Variants in NME8 observed in about 807,000 individuals in gnomAD.
The protein encoded by NME8 is NME/NM23 family member 8.
Under a neutral mutation model 82.3 loss-of-function variants are expected in NME8, and 72 were observed. The ratio of observed to expected loss-of-function variants is 0.87; its 90% CI spans 0.72 to 1.06. The LOEUF (loss-of-function observed/expected upper bound fraction) is 1.06, where lower values mean the gene tolerates loss of function less well. Ranked by LOEUF, NME8 falls within the 50% of genes least tolerant of loss-of-function variation. NME8 has a pLI of 0.00. For missense variants in NME8, 712 were observed against 685.4 expected (o/e 1.04, Z -0.43); for synonymous variants, 267 against 228.5 (o/e 1.17, Z -1.52).
In NME8 at chr7:37,867,705, G is replaced by T; in HGVS notation, c.625G>T (p.Asp209Tyr). 1 of 1,611,516 alleles carries T rather than the reference G, an allele frequency of 6.2e-7. No individual in the cohort carries two copies. Among genetic ancestry groups the T allele is most frequent in the South Asian group, 1.1e-5 (1 of 90,970 alleles). Residue 209 changes from aspartate to tyrosine, a missense_variant, in exon 11 of 18, where the codon GAC (aspartate) becomes TAC (tyrosine). Asp to Tyr is a radical substitution (Grantham distance 160). Coordinates refer to ENST00000199447, the MANE Select transcript of NME8 (RefSeq NM_016616.5). ...NFYSRIADQC[D>Y]FEEFVSFMTS... Reference sequence around the variant, plus strand: ...AGTTTATCATTTTATTTTGTAGTGTGACTTCGAAGAGTTTGTCTCTTTTAT... The same window carrying T: ...AGTTTATCATTTTATTTTGTAGTGTTACTTCGAAGAGTTTGTCTCTTTTAT...
At chr7:37,892,337 C>CT (rs910888742) in intron 15 of NME8, among the ~76,000 whole-genome samples, 31 of 147,308 alleles carry the variant, frequency 2.1e-4, no homozygotes, top group African/African-American at 4.5e-4. Context: ...TTCCATTGTT[C>CT]TTTTTTTTTT....
chr7:37,858,400 T>A lies in NME8; in HGVS notation c.270+1055T>A, dbSNP rs1482285738. ...TGAATGGTAAAAAATGCATTGTAGA[T>A]CTCCTCTAAGTTGGATGTTTAGAAT... On this transcript the variant is annotated intron_variant, in intron 6 of 17. Coordinates refer to ENST00000199447, the MANE Select transcript of NME8 (RefSeq NM_016616.5). 5.3e-5 allele frequency among the ~76,000 whole-genome samples: 8 copies of A among 152,316 alleles called. No homozygotes were observed. In the East Asian group the frequency reaches 1.5e-3, roughly 29 times the overall value.
intron 6 of NME8, among the ~76,000 whole-genome samples, chr7:37,857,796 A>C (rs1236194326): frequency 1.3e-5 from 2 of 152,220 alleles, no homozygotes; most frequent in African/African-American, 2.4e-5. Flanking sequence ...ATCCACCAAA[A>C]TGTTATAGCA....
At chr7:37,887,923 T>G (rs1006606354) in intron 14 of NME8, among the ~76,000 whole-genome samples, 3 of 152,134 alleles carry the variant, frequency 2.0e-5, no homozygotes, top group Non-Finnish European at 2.9e-5. Flanking sequence ...CATGATTCAG[T>G]TAGCTCCCAC....
chr7:37,861,990 A>G (rs1333539003), intron 6 of NME8, 38 bp from the exon 7 acceptor site: 1 of 1,328,726 alleles, frequency 7.5e-7, no homozygotes, highest in African/African-American at 1.4e-5. Context: ...TGTGTTCTCC[A>G]AATGAAAGTT....
intron 12 of NME8, among the ~76,000 whole-genome samples, chr7:37,882,554 AG>A (rs1241520618): frequency 2.6e-5 from 1 of 38,458 alleles, no homozygotes; most frequent in Non-Finnish European, 5.3e-5. Flanking sequence ...AGGGAAAGAA[AG>A]AAAGAAAGAA....
chr7:37,856,464 G>A (rs1321969653), intron 5 of NME8, among the ~76,000 whole-genome samples: 2 of 152,074 alleles, frequency 1.3e-5, no homozygotes, highest in African/African-American at 4.8e-5. Flanking sequence ...ATAAATGATT[G>A]TTGTTCAGCC....
chr7:37,850,798 T>C (rs1299252474), intron 5 of NME8, 63 bp downstream of exon 5: 2 of 1,023,794 alleles, frequency 2.0e-6, no homozygotes, highest in African/African-American at 3.2e-5. Context: ...AAGTATCCTC[T>C]AATACTTTAA....
rs538425312 is a variant in NME8 at position 37,863,463 on chromosome 7, G to C, written c.454+1G>C. On this transcript the variant is annotated splice_donor_variant, in intron 8 of 17. Coordinates refer to ENST00000199447, the MANE Select transcript of NME8 (RefSeq NM_016616.5). LOFTEE classifies it high-confidence loss of function. Reference sequence around the variant, plus strand: ...GAAGAATCACCATGTGAAAGTGTTCGTAAGTAAATTTACTTCAAAGTAATC... The same window carrying C: ...GAAGAATCACCATGTGAAAGTGTTCCTAAGTAAATTTACTTCAAAGTAATC... The C allele has an allele frequency of 2.5e-6, 4 of 1,579,694 alleles. No homozygotes were observed. The East Asian group carries it at 6.7e-5, about 27-fold the overall frequency.
chr7:37,897,139 A>G, intron 17 of NME8, 32 bp downstream of exon 17: 3 of 1,375,324 alleles, frequency 2.2e-6, no homozygotes, highest in Non-Finnish European at 2.1e-6. Flanking sequence ...ATTTTATTTT[A>G]TTTGCTTGTT....
intron 5 of NME8, among the ~76,000 whole-genome samples, chr7:37,853,003 C>T (rs972235127): frequency 6.6e-6 from 1 of 152,188 alleles, no homozygotes; most frequent in Non-Finnish European, 1.5e-5. Flanking sequence ...CATCTGTTCT[C>T]TGGATTTTGG....
Position 37,885,216 on chromosome 7 carries a change from G to A in NME8, c.1211G>A (p.Arg404Lys). ...TACTGGAAACAATTACTGGGACCAA[G>A]AACTGTTGAAGAAGCCATTGAATAT... ...LQYWKQLLGP[R>K]TVEEAIEYFP... The change falls in exon 14 of 18, where the codon AGA (arginine) becomes AAA (lysine). Residue 404 changes from arginine (R) to lysine (K), a missense_variant. Physicochemically the swap from Arg to Lys is conservative, Grantham distance 26. Transcript: ENST00000199447. 1 of 1,613,262 alleles carries A rather than the reference G, an allele frequency of 6.2e-7. No homozygotes were observed. Among genetic ancestry groups the A allele is most frequent in the Non-Finnish European group, 8.5e-7 (1 of 1,179,410 alleles).
At chr7:37,883,829 T>C (rs534177531) in intron 12 of NME8, among the ~76,000 whole-genome samples, 20 of 152,254 alleles carry the variant, frequency 1.3e-4, no homozygotes, top group Admixed American at 4.6e-4. Context: ...GAGAAGAAGG[T>C]TGAGAAATAC....
rs367945544 is a variant in NME8 at position 37,884,461 on chromosome 7, T to A, written c.1139+14T>A. 60 of 1,605,522 alleles carry A rather than the reference T, an allele frequency of 3.7e-5. No homozygotes were observed. In the African/African-American group the frequency reaches 7.6e-4, roughly 20 times the overall value. Reference sequence around the variant, plus strand: ...AAACATGACCAGGTAGAATCCAGGTTGAGAAAATTCAGTCTGATTTATTTT... The same window carrying A: ...AAACATGACCAGGTAGAATCCAGGTAGAGAAAATTCAGTCTGATTTATTTT... On this transcript the variant is annotated intron_variant, in intron 13 of 17. Coordinates refer to ENST00000199447, the MANE Select transcript of NME8 (RefSeq NM_016616.5).
intron 12 of NME8, among the ~76,000 whole-genome samples, chr7:37,882,555 GAAAGAAAGAA>G (rs1283596962): frequency 6.7e-3 from 122 of 18,186 alleles, no homozygotes; most frequent in African/African-American, 0.016. Flanking sequence ...GGGAAAGAAA[GAAAGAAAGAA>G]AGAAAGAAAG....
rs565758776 is a variant in NME8 at position 37,872,412 on chromosome 7, G to A, written c.819-4420G>A. Reference sequence around the variant, plus strand: ...TAAGGGAGACTGGCAGCCAGAGAAAGGAAGGCCTGTACAAAAATCACAACA... The same window carrying A: ...TAAGGGAGACTGGCAGCCAGAGAAAAGAAGGCCTGTACAAAAATCACAACA... On this transcript the variant is annotated intron_variant, in intron 11 of 17. Transcript: ENST00000199447. Among the ~76,000 whole-genome samples, 31 of 152,218 alleles carry A rather than the reference G, an allele frequency of 2.0e-4. No homozygotes were observed. In the South Asian group the frequency reaches 3.7e-3, roughly 18 times the overall value.
intron 11 of NME8, among the ~76,000 whole-genome samples, chr7:37,872,991 C>T (rs925054450): frequency 5.9e-5 from 9 of 152,134 alleles, no homozygotes; most frequent in African/African-American, 9.7e-5. Flanking sequence ...CAGAGCAGAT[C>T]ATCTTAACAG....
chr7:37,897,678 C>T (rs1443154470), intron 17 of NME8, among the ~76,000 whole-genome samples: 1 of 151,834 alleles, frequency 6.6e-6, no homozygotes, highest in Non-Finnish European at 1.5e-5. Flanking sequence ...CCCCCACCCC[C>T]CAACAGGCCC....
At chr7:37,876,736 CTT>C (rs1261642852) in intron 11 of NME8, 94 bp from the exon 12 acceptor site, 10 of 879,036 alleles carry the variant, frequency 1.1e-5, no homozygotes, top group Admixed American at 2.3e-5. Flanking sequence ...TTTTATTAAA[CTT>C]CTAGTAATTT....
Sources: gnomAD v4.1 joint callset for allele counts (sites outside exome capture counted in the v4.1 genomes callset) on GRCh38, gnomAD v4.1.1 for gene constraint, MANE v1.5 for transcripts, NCBI Gene and HGNC (gene_info 2026-07-23, HGNC 2026-07-21) for gene names.